Variants in NRXN1 observed in about 807,000 individuals in gnomAD.
NRXN1 encodes the protein neurexin 1, also known as neurexin-1.
Under a neutral mutation model 150.9 loss-of-function variants are expected in NRXN1, and 39 were observed. The observed-to-expected ratio is 0.26, with a 90% CI of 0.20 to 0.34. The LOEUF is 0.34. NRXN1 is among the 10% of genes least tolerant of loss of function. The pLI, the probability that NRXN1 is intolerant of heterozygous loss-of-function variation, is 1.00. For synonymous variants in NRXN1, 924 were observed against 757.0 expected (o/e 1.22, Z -3.62); for missense variants, 1,815 against 1,949.9 (o/e 0.93, Z 1.30).
intron 21 of NRXN1, among the ~76,000 whole-genome samples, chr2:49,949,092 C>T (rs746285015): frequency 6.6e-6 from 1 of 151,914 alleles, no homozygotes; most frequent in Non-Finnish European, 1.5e-5. Context: ...TTAATCCATC[C>T]TTTTCTATAT....
intron 12 of NRXN1, among the ~76,000 whole-genome samples, chr2:50,526,975 C>T (rs959314388): frequency 3.3e-5 from 5 of 152,106 alleles, no homozygotes; most frequent in Admixed American, 2.0e-4. Context: ...GGTAATTATA[C>T]TATAAACATA....
At chr2:50,668,609 G>A (rs1431987940) in intron 5 of NRXN1, among the ~76,000 whole-genome samples, 1 of 151,984 alleles carries the variant, frequency 6.6e-6, no homozygotes, top group African/African-American at 2.4e-5. Context: ...TTCTCTTGGA[G>A]TAGCTTAGTA....
At chr2:50,788,597 GAGAGAGAC>G (rs1468663765) in intron 5 of NRXN1, among the ~76,000 whole-genome samples, 10 of 151,914 alleles carry the variant, frequency 6.6e-5, no homozygotes, top group African/African-American at 9.7e-5. Flanking sequence ...GCGTGTGAGA[GAGAGAGAC>G]AGAGAGAGAG....
At chr2:50,265,578 T>G (rs2068748496) in intron 17 of NRXN1, among the ~76,000 whole-genome samples, 1 of 152,230 alleles carries the variant, frequency 6.6e-6, no homozygotes, top group Admixed American at 6.5e-5. Flanking sequence ...CTGTTTCTGA[T>G]TCATTTTTGT....
intron 2 of NRXN1, among the ~76,000 whole-genome samples, chr2:51,016,084 C>T (rs1410573368): frequency 2.6e-5 from 4 of 152,072 alleles, no homozygotes; most frequent in Non-Finnish European, 5.9e-5. Flanking sequence ...CTACAACCAT[C>T]TGATCTTTGA....
chr2:50,936,258 C>T (rs1434703298), intron 2 of NRXN1, among the ~76,000 whole-genome samples: 1 of 152,052 alleles, frequency 6.6e-6, no homozygotes, highest in East Asian at 1.9e-4. Flanking sequence ...TTAGCCCAAC[C>T]CTGGTATTAG....
At position 50,180,000 on chromosome 2, in the gene NRXN1, C is replaced by G. The variant is rs192480897; in HGVS notation, c.3546+56789G>C. Among the ~76,000 whole-genome samples the G allele has an allele frequency of 1.2e-4, 18 of 152,014 alleles. 1 individual carries two copies. Among genetic ancestry groups the G allele is most frequent in the Non-Finnish European group, 2.2e-4 (15 of 67,992 alleles). On this transcript the variant is annotated intron_variant, in intron 18 of 22. Transcript: ENST00000401669. ...ATTTTCAGTTTAAAGCAATTATTGC[C>G]AAAAGGAATTTTTAATTTTAATATT...
chr2:50,365,097 T>C (rs574009628), intron 17 of NRXN1, among the ~76,000 whole-genome samples: 3 of 152,242 alleles, frequency 2.0e-5, no homozygotes, highest in East Asian at 1.9e-4. Context: ...GAATTTGAAC[T>C]GATACATGAA....
intron 5 of NRXN1, chr2:50,829,766 C>G: frequency 6.4e-7 from 1 of 1,558,436 alleles, no homozygotes; most frequent in East Asian, 2.4e-5. Flanking sequence ...CGCTTAAGTG[C>G]CACTCAGCCC....
At chr2:50,857,725 T>C (rs1675476611) in intron 5 of NRXN1, among the ~76,000 whole-genome samples, 1 of 152,032 alleles carries the variant, frequency 6.6e-6, no homozygotes, top group Non-Finnish European at 1.5e-5. Flanking sequence ...TCGGTGATCT[T>C]CCTCCCTTAT....
intron 17 of NRXN1, among the ~76,000 whole-genome samples, chr2:50,380,297 C>T (rs35191838): frequency 0.26 from 37,993 of 143,844 alleles, 4,988 homozygotes; most frequent in East Asian, 0.47. Context: ...TGTGTGTGTG[C>T]GTGTGTGTGT....
At chr2:50,372,376 C>T (rs1220188659) in intron 17 of NRXN1, among the ~76,000 whole-genome samples, 1 of 151,986 alleles carries the variant, frequency 6.6e-6, no homozygotes, top group East Asian at 1.9e-4. Flanking sequence ...GGTTTTCCAC[C>T]TGAAATGCAA....
chr2:50,785,121 AC>A (rs1384283987), intron 5 of NRXN1, among the ~76,000 whole-genome samples: 1 of 152,040 alleles, frequency 6.6e-6, no homozygotes, highest in Non-Finnish European at 1.5e-5. Flanking sequence ...CAGAGAAAAG[AC>A]CATGTGAGGA....
At chr2:49,974,374 G>A (rs1025930967) in intron 21 of NRXN1, among the ~76,000 whole-genome samples, 2 of 152,070 alleles carry the variant, frequency 1.3e-5, no homozygotes, top group Admixed American at 6.6e-5. Flanking sequence ...TAACGAGACC[G>A]CATAGGTAAA....
At chr2:50,467,727 T>G (rs947290362) in intron 16 of NRXN1, among the ~76,000 whole-genome samples, 7 of 151,396 alleles carry the variant, frequency 4.6e-5, no homozygotes, top group African/African-American at 1.7e-4. Flanking sequence ...TAAGTAGTAA[T>G]ATAATAAGAA....
chr2:50,142,107 G>A (rs1021298535), intron 18 of NRXN1, among the ~76,000 whole-genome samples: 2 of 151,938 alleles, frequency 1.3e-5, no homozygotes, highest in African/African-American at 4.8e-5. Flanking sequence ...TGTACACAGT[G>A]GAATACTCTT....
intron 17 of NRXN1, among the ~76,000 whole-genome samples, chr2:50,397,695 C>A (rs1194474402): frequency 1.3e-5 from 2 of 152,084 alleles, no homozygotes; most frequent in African/African-American, 2.4e-5. Flanking sequence ...TTTCTGGCTA[C>A]TGTCAGTAAA....
chr2:50,831,408 T>C (rs1468167085), intron 5 of NRXN1, among the ~76,000 whole-genome samples: 1 of 152,202 alleles, frequency 6.6e-6, no homozygotes, highest in Non-Finnish European at 1.5e-5. Flanking sequence ...TCTAATTCCC[T>C]TTTTATAAGT....
chr2:50,938,860 T>C (rs574106290), intron 2 of NRXN1, among the ~76,000 whole-genome samples: 5 of 152,268 alleles, frequency 3.3e-5, no homozygotes, highest in African/African-American at 9.6e-5. Flanking sequence ...TAGTCACAGG[T>C]ACCCTACAGG....
Sources: allele counts gnomAD v4.1 joint callset (sites outside exome capture counted in the v4.1 genomes callset), GRCh38; gene constraint gnomAD v4.1.1; transcripts MANE v1.5; gene names NCBI Gene and HGNC (gene_info 2026-07-23, HGNC 2026-07-21).